RILPL1: variants seen among roughly 807,000 people sequenced by gnomAD.
RILPL1 encodes RILP-like protein 1.
In RILPL1, 33 loss-of-function variants were observed where a neutral mutation model predicts 50.3. That is an observed-to-expected ratio of 0.66 (90% CI 0.50 to 0.88). The LOEUF (loss-of-function observed/expected upper bound fraction) is 0.88, where lower values mean the gene tolerates loss of function less well. RILPL1 is among the 40% of genes least tolerant of loss of function. The pLI, the probability that RILPL1 is intolerant of heterozygous loss-of-function variation, is 0.00. For synonymous variants in RILPL1, 205 were observed against 228.6 expected (o/e 0.90, Z 0.93); for missense variants, 418 against 542.5 (o/e 0.77, Z 2.28).
At chr12:123,487,365 C>T (rs1157975618) in intron 4 of RILPL1, among the ~76,000 whole-genome samples, 7 of 151,914 alleles carry the variant, frequency 4.6e-5, no homozygotes, top group African/African-American at 1.2e-4. Context: ...TGCAATGGCA[C>T]GATCTCAGCT....
chr12:123,503,258 T>C (rs1402584960), intron 2 of RILPL1, among the ~76,000 whole-genome samples: 2 of 136,568 alleles, frequency 1.5e-5, no homozygotes, highest in African/African-American at 5.6e-5. Flanking sequence ...TGGAGTGCAG[T>C]GGCGCGATCT....
chr12:123,506,439 G>T (rs1279055776), intron 2 of RILPL1, among the ~76,000 whole-genome samples: 1 of 152,198 alleles, frequency 6.6e-6, no homozygotes, highest in Non-Finnish European at 1.5e-5. Context: ...AAGGCAGGAG[G>T]GTCAGGCAGA....
At chr12:123,524,810 T>C (rs888613664) in intron 1 of RILPL1, among the ~76,000 whole-genome samples, 4 of 151,620 alleles carry the variant, frequency 2.6e-5, no homozygotes, top group Admixed American at 6.6e-5. Context: ...AGGTACGGAG[T>C]TTCTTTTGGG....
chr12:123,475,404 G>A, intron 6 of RILPL1: 1 of 502,784 alleles, frequency 2.0e-6, no homozygotes, highest in East Asian at 3.5e-5. Flanking sequence ...CATGGGCAAG[G>A]TGGTTTTAAA....
At chr12:123,486,763 C>T (rs985020027) in intron 4 of RILPL1, among the ~76,000 whole-genome samples, 14 of 151,838 alleles carry the variant, frequency 9.2e-5, no homozygotes, top group African/African-American at 3.1e-4. Flanking sequence ...CCTCAGCCTC[C>T]CGAGTAGCTG....
intron 2 of RILPL1, among the ~76,000 whole-genome samples, chr12:123,500,116 G>A (rs574968821): frequency 5.9e-5 from 9 of 151,874 alleles, no homozygotes; most frequent in Non-Finnish European, 8.8e-5. Flanking sequence ...ATTTTTAGTA[G>A]AGACGGGGTT....
In RILPL1 at chr12:123,519,209, T is replaced by C. The variant is rs560619947; in HGVS notation, c.460+4286A>G. On this transcript the variant is annotated intron_variant, in intron 2 of 6. Transcript: ENST00000376874. Reference sequence around the variant, plus strand: ...AAAATGACAACGTGGTCAGTTTTCCTCTTCCCCTGGTGACTAAGCTGTTCC... The same window carrying C: ...AAAATGACAACGTGGTCAGTTTTCCCCTTCCCCTGGTGACTAAGCTGTTCC... Among the ~76,000 whole-genome samples, 7 of 152,268 alleles carry C rather than the reference T, an allele frequency of 4.6e-5. No individual in the cohort carries two copies. In the South Asian group the frequency reaches 1.4e-3, roughly 32 times the overall value.
At position 123,498,558 on chromosome 12, in the gene RILPL1, C is replaced by A. The variant is rs1473702170; in HGVS notation, c.787G>T (p.Glu263Ter). The A allele has an allele frequency of 6.2e-7, 1 of 1,613,350 alleles. No homozygotes were observed. The highest frequency in any genetic ancestry group is 1.3e-5 in the African/African-American group (1 of 74,920). Residue 263 changes from glutamate (E) to a stop codon, truncating the protein, a stop_gained, in exon 4 of 7, where the codon GAG (glutamate) becomes TAG (stop). Coordinates refer to ENST00000376874, the MANE Select transcript of RILPL1 (RefSeq NM_178314.5). LOFTEE classifies it high-confidence loss of function. The surrounding 1 kb of genome is among the most constrained non-coding windows in gnomAD (Gnocchi z 4.3). ...TTCCTGCTCACCTCAGGCTCCTCCTCCCCATTCTGGCTGTGCTCCCCCTGC... is the reference window on the plus strand; with the variant it reads ...TTCCTGCTCACCTCAGGCTCCTCCTACCCATTCTGGCTGTGCTCCCCCTGC... ...RLQGEHSQNG[E>*]EEPETEPVGE...
intron 1 of RILPL1, 128 bp from the exon 2 acceptor site, chr12:123,523,773 C>T (rs940254945): frequency 1.1e-5 from 12 of 1,064,576 alleles, no homozygotes; most frequent in Admixed American, 2.8e-5. Context: ...AGAACTGGGC[C>T]GGCAAGGCCA....
chr12:123,509,276 G>A (rs1883941446), intron 2 of RILPL1, among the ~76,000 whole-genome samples: 1 of 152,136 alleles, frequency 6.6e-6, no homozygotes, highest in Admixed American at 6.6e-5. Flanking sequence ...AAAAAGGAAG[G>A]AAATCGGCTG....
rs1881215992 is a variant in RILPL1, at chr12:123,471,955, G to A, written c.*583C>T. 1 of 153,478 alleles carries A rather than the reference G, an allele frequency of 6.5e-6. No individual in the cohort carries two copies. Among genetic ancestry groups the A allele is most frequent in the African/African-American group, 2.4e-5 (1 of 41,456 alleles). 9.5% of individuals were successfully genotyped at this position (153,478 alleles called of 1,614,324 possible). On this transcript the variant is annotated 3_prime_UTR_variant, in exon 7 of 7. Coordinates refer to ENST00000376874, the MANE Select transcript of RILPL1 (RefSeq NM_178314.5). The stretch of plus-strand genomic sequence containing the variant: ...CAGGGTGCCTGCAAAGTTGTCTCCA[G>A]TTTCTGGGTAAGAGGACCATCATCC...
chr12:123,525,796 T>C (rs1885230747), intron 1 of RILPL1, among the ~76,000 whole-genome samples: 1 of 151,540 alleles, frequency 6.6e-6, no homozygotes, highest in African/African-American at 2.4e-5. Flanking sequence ...CTTCCCACCT[T>C]GGCCTCCCAA....
At chr12:123,490,145 T>A (rs1326905625) in intron 4 of RILPL1, among the ~76,000 whole-genome samples, 1 of 151,972 alleles carries the variant, frequency 6.6e-6, no homozygotes, top group East Asian at 1.9e-4. Flanking sequence ...ACAGCTCGGG[T>A]CCTGCCTTTC....
At chr12:123,513,922 G>C (rs922456142) in intron 2 of RILPL1, 2 of 152,282 alleles carry the variant, frequency 1.3e-5, no homozygotes, top group Non-Finnish European at 2.9e-5. Flanking sequence ...CTGGCAGTGA[G>C]CTACTGTCCA....
chr12:123,475,299 A>AG (rs1401112133), intron 6 of RILPL1: 1 of 231,180 alleles, frequency 4.3e-6, no homozygotes, highest in Non-Finnish European at 8.8e-6. Context: ...AGAAAGCTAC[A>AG]GGGTGAACAT....
intron 1 of RILPL1, among the ~76,000 whole-genome samples, chr12:123,527,426 G>A (rs1050866283): frequency 1.3e-5 from 2 of 151,974 alleles, no homozygotes; most frequent in African/African-American, 4.8e-5. Context: ...ATCACTTGAG[G>A]TCAGGAGTTC....
In RILPL1 at chr12:123,533,166, C is replaced by T. The variant is rs1359658847; in HGVS notation, c.309+8G>A. On this transcript the variant is annotated splice_region_variant and intron_variant, in intron 1 of 6. Coordinates refer to ENST00000376874, the MANE Select transcript of RILPL1 (RefSeq NM_178314.5). This position sits in a 1 kb window ranked among gnomAD's most constrained non-coding sequence, Gnocchi z 6.2. ...TGCCCGGACGGACAGACCGAGGCCG[C>T]CGCCCACCTTCTGGTGCTTGCGCTC... The T allele has an allele frequency of 6.5e-7, 1 of 1,528,526 alleles. No homozygotes were observed. The highest frequency in any genetic ancestry group is 1.2e-5 in the South Asian group (1 of 83,310). The allele number at this position is 1,528,526 out of a possible 1,614,324, so 94.7% of individuals were successfully genotyped here.
intron 1 of RILPL1, among the ~76,000 whole-genome samples, chr12:123,531,098 C>G (rs569897050): frequency 1.4e-5 from 2 of 146,530 alleles, no homozygotes; most frequent in African/African-American, 5.2e-5. Context: ...CCTTGAAGAG[C>G]CTTTGAGACT....
intron 2 of RILPL1, among the ~76,000 whole-genome samples, chr12:123,500,743 G>A (rs1010345529): frequency 6.6e-5 from 10 of 152,202 alleles, no homozygotes; most frequent in Admixed American, 2.6e-4. Context: ...AACAGTCCCC[G>A]CAACTCATAG....
Sources: gnomAD v4.1 joint callset for allele counts (sites outside exome capture counted in the v4.1 genomes callset) on GRCh38, gnomAD v4.1.1 for gene constraint, Gnocchi (gnomAD v3.1) non-coding constraint, MANE v1.5 for transcripts, NCBI Gene and HGNC (gene_info 2026-07-23, HGNC 2026-07-21) for gene names.